Variants in RGS6 observed in about 807,000 individuals in gnomAD.
RGS6 encodes the protein regulator of G-protein signaling 6.
In RGS6, 30 loss-of-function variants were observed where a neutral mutation model predicts 78.5. The observed-to-expected ratio is 0.38, with a 90% confidence interval of 0.29 to 0.52. The LOEUF is 0.52. Among genes scored for constraint, RGS6 ranks in the 20% least tolerant of loss-of-function variants. The pLI is 0.85. For synonymous variants in RGS6, 206 were observed against 206.0 expected (o/e 1.00, Z 0.00); for missense variants, 495 against 609.7 (o/e 0.81, Z 1.98).
chr14:71,916,491 G>A, the RGS6 span, among the ~76,000 whole-genome samples: 1 of 152,124 alleles, frequency 6.6e-6, no homozygotes, highest in South Asian at 2.1e-4. Flanking sequence ...TTTTGACCAA[G>A]AAAGGGAGGG....
chr14:71,926,970 G>C, the RGS6 span, among the ~76,000 whole-genome samples: 1 of 152,206 alleles, frequency 6.6e-6, no homozygotes, highest in Non-Finnish European at 1.5e-5. Context: ...CTAGCAGGAA[G>C]GGGACAGAGT....
At chr14:72,394,302 GT>G (rs2152960001) in intron 3 of RGS6, among the ~76,000 whole-genome samples, 1 of 152,226 alleles carries the variant, frequency 6.6e-6, no homozygotes, top group South Asian at 2.1e-4. Flanking sequence ...AGGGGAGGGA[GT>G]GTACAAATAT....
intron 2 of RGS6, among the ~76,000 whole-genome samples, chr14:72,064,349 TG>T (rs748596913): frequency 3.3e-5 from 5 of 152,168 alleles, no homozygotes; most frequent in Non-Finnish European, 7.3e-5. Context: ...GGGAATGAGC[TG>T]GAAATTCCTT....
At chr14:72,472,696 C>T (rs1308250502) in intron 8 of RGS6, among the ~76,000 whole-genome samples, 176 bp from the exon 9 acceptor site, 1 of 151,610 alleles carries the variant, frequency 6.6e-6, no homozygotes, top group Admixed American at 6.6e-5. Context: ...CTGAGGTTTT[C>T]GGGGGGGGAA....
At chr14:72,060,066 A>C (rs927653874) in intron 2 of RGS6, among the ~76,000 whole-genome samples, 6 of 152,186 alleles carry the variant, frequency 3.9e-5, no homozygotes, top group African/African-American at 1.2e-4. Context: ...GTTCAGATGC[A>C]TCGGGGTTCG....
chr14:72,540,627 T>A (rs2097312310), intron 17 of RGS6: 1 of 1,440,818 alleles, frequency 6.9e-7, no homozygotes, highest in Non-Finnish European at 9.3e-7. Context: ...CCTGGCGATG[T>A]GGCCTAGCTG....
chr14:71,934,267 G>A (rs2088566890), intron 1 of RGS6, among the ~76,000 whole-genome samples: 1 of 152,158 alleles, frequency 6.6e-6, no homozygotes, highest in Admixed American at 6.5e-5. Flanking sequence ...AAATTGTCCT[G>A]TAAATATGAT....
chr14:72,415,771 G>A (rs1183416213), intron 3 of RGS6, among the ~76,000 whole-genome samples: 3 of 152,182 alleles, frequency 2.0e-5, no homozygotes, highest in African/African-American at 7.2e-5. Flanking sequence ...AAGAATTAAT[G>A]CTTCTTGATT....
At chr14:72,253,283 G>C (rs1331291706) in intron 2 of RGS6, among the ~76,000 whole-genome samples, 1 of 152,168 alleles carries the variant, frequency 6.6e-6, no homozygotes, top group Non-Finnish European at 1.5e-5. Context: ...ACAGAGCCAC[G>C]GCCCACCTGC....
At chr14:72,023,601 C>T (rs976822272) in intron 2 of RGS6, among the ~76,000 whole-genome samples, 1 of 152,106 alleles carries the variant, frequency 6.6e-6, no homozygotes. Flanking sequence ...AGAAAGAAGG[C>T]GGGGGAAGGA....
chr14:72,428,088 G>A (rs2094497672), intron 3 of RGS6, among the ~76,000 whole-genome samples: 1 of 152,136 alleles, frequency 6.6e-6, no homozygotes, highest in South Asian at 2.1e-4. Flanking sequence ...GGCTAGATGG[G>A]GACTTATCTC....
In RGS6 at chr14:72,375,635, T is replaced by A. The variant is rs188077312; in HGVS notation, c.184+23441T>A. Among the ~76,000 whole-genome samples, 3 of 152,332 alleles carry A rather than the reference T, an allele frequency of 2.0e-5. No individual in the cohort carries two copies. The East Asian group carries it at 5.8e-4, about 29-fold the overall frequency. On this transcript the variant is annotated intron_variant, in intron 3 of 17. Transcript: ENST00000553525. ...CCAGACCCCAAGAAAGCTGACCCAC[T>A]GTGTGCAGACATATGCCTCCAATCT... is the stretch of plus-strand genomic sequence containing the variant.
At chr14:72,295,019 C>T (rs1044294936) in intron 2 of RGS6, among the ~76,000 whole-genome samples, 6 of 152,062 alleles carry the variant, frequency 3.9e-5, no homozygotes, top group Non-Finnish European at 7.4e-5. Flanking sequence ...AGGCCGGGCG[C>T]GGTGGCTCAC....
At chr14:72,295,888 T>C (rs1277631908) in intron 2 of RGS6, among the ~76,000 whole-genome samples, 1 of 152,216 alleles carries the variant, frequency 6.6e-6, no homozygotes, top group Non-Finnish European at 1.5e-5. Context: ...TGAGGTACAT[T>C]TACATACAGT....
chr14:72,207,783 T>G (rs535487734), intron 2 of RGS6, among the ~76,000 whole-genome samples: 1 of 152,352 alleles, frequency 6.6e-6, no homozygotes, highest in African/African-American at 2.4e-5. Flanking sequence ...CTCTCCCTTT[T>G]CCTGACAAAA....
intron 2 of RGS6, among the ~76,000 whole-genome samples, chr14:72,106,455 A>G (rs562394523): frequency 6.6e-6 from 1 of 152,330 alleles, no homozygotes; most frequent in East Asian, 1.9e-4. Flanking sequence ...GTGGCTTAGC[A>G]TGAACTAGTA....
At chr14:71,901,253 A>T in the RGS6 span, among the ~76,000 whole-genome samples, 1 of 152,244 alleles carries the variant, frequency 6.6e-6, no homozygotes, top group Non-Finnish European at 1.5e-5. Context: ...AACTATCTAT[A>T]TCAAGAATAT....
chr14:72,572,849 GA>G, the RGS6 span, among the ~76,000 whole-genome samples: 1 of 148,460 alleles, frequency 6.7e-6, no homozygotes, highest in Non-Finnish European at 1.5e-5. Flanking sequence ...AACAAAAACA[GA>G]AAAAAAGAAA....
intron 2 of RGS6, among the ~76,000 whole-genome samples, chr14:72,210,622 C>G (rs847285): frequency 0.94 from 142,736 of 152,258 alleles, 67,263 homozygotes; most frequent in South Asian, 1. Context: ...GGTAGCACTT[C>G]CCATTGCATC....
Sources: allele counts gnomAD v4.1 joint callset (sites outside exome capture counted in the v4.1 genomes callset), GRCh38; gene constraint gnomAD v4.1.1; transcripts MANE v1.5; gene names NCBI Gene and HGNC (gene_info 2026-07-23, HGNC 2026-07-21).